CCDC66: variants seen among roughly 807,000 people sequenced by gnomAD.
CCDC66 encodes the protein coiled-coil domain-containing protein 66.
CCDC66 carries 133 observed loss-of-function variants against 128.3 expected under a neutral mutation model. The observed-to-expected ratio is 1.04, with a 90% CI of 0.90 to 1.20. CCDC66 has a LOEUF of 1.20. Among genes scored for constraint, CCDC66 ranks in the 50% most tolerant of loss-of-function variants. CCDC66 has a pLI of 0.00. For missense variants in CCDC66, 1,126 were observed against 1,075.5 expected (o/e 1.05, Z -0.66); for synonymous variants, 387 against 357.0 (o/e 1.08, Z -0.95).
chr3:56,558,878 A>T lies in CCDC66; in HGVS notation c.44A>T (p.Asp15Val), dbSNP rs748777335. 1.0e-5 allele frequency: 16 copies of T among 1,549,736 alleles called. No individual in the cohort carries two copies. Among genetic ancestry groups the T allele is most frequent in the South Asian group, 8.3e-5 (7 of 83,914 alleles). The change falls in exon 2 of 18, where the codon GAT (aspartate) becomes GTT (valine). Residue 15 changes from aspartate (D) to valine (V), a missense_variant. By Grantham distance (152) the Asp-to-Val change is radical. Coordinates refer to ENST00000394672, the MANE Select transcript of CCDC66 (RefSeq NM_001141947.3). ...TTAAAGCTTGAAACTGAATTACTGG[A>T]TGGAAAAACCAAGCTAATATTGTCT... ...DGLKLETELL[D>V]GKTKLILSPY...
intron 10 of CCDC66, 49 bp downstream of exon 10, chr3:56,594,077 G>C: frequency 6.7e-7 from 1 of 1,488,212 alleles, no homozygotes. Flanking sequence ...TAACAGTCAT[G>C]GTGAACATAT....
intron 10 of CCDC66, among the ~76,000 whole-genome samples, chr3:56,598,150 T>TTTTGTTTG (rs149176783): frequency 9.2e-6 from 1 of 109,114 alleles, no homozygotes; most frequent in African/African-American, 2.8e-5. Context: ...TTTTGTTTTG[T>TTTTGTTTG]TTTGTTTGTT....
At chr3:56,584,541 G>A (rs546885518) in intron 7 of CCDC66, among the ~76,000 whole-genome samples, 54 of 149,826 alleles carry the variant, frequency 3.6e-4, no homozygotes, top group Admixed American at 8.1e-4. Flanking sequence ...ATGGGCAGCC[G>A]GGCAGAGACG....
In CCDC66 at chr3:56,594,022, G is replaced by A. The variant is rs149044334; in HGVS notation, c.1398G>A (p.Glu466=). 6.5e-4 allele frequency: 1,054 copies of A among 1,613,250 alleles called. 7 individuals carry two copies. The African/African-American group carries it at 0.011, about 17-fold the overall frequency. ...ACAGACGACGACAAAAACAATTAGA[G>A]CATCAGGTATTGCATTGTTAAACAT... ...ERDRRRQKQL[E]HQKAITAQVE... Residue 466 remains glutamate, a synonymous_variant, in exon 10 of 18, where the codon GAG becomes GAA. Coordinates refer to ENST00000394672, the MANE Select transcript of CCDC66 (RefSeq NM_001141947.3).
In CCDC66 at chr3:56,599,504, C is replaced by A. The variant is rs139357412; in HGVS notation, c.1404+5476C>A. ...CATTAGATTGCTTTTTGAAATGTTTCCACTTTTTTGATATAGGCACTTATT... is the reference window on the plus strand; with the variant it reads ...CATTAGATTGCTTTTTGAAATGTTTACACTTTTTTGATATAGGCACTTATT... On this transcript the variant is annotated intron_variant, in intron 10 of 17. Coordinates refer to ENST00000394672, the MANE Select transcript of CCDC66 (RefSeq NM_001141947.3). Among the ~76,000 whole-genome samples, 16 of 152,000 alleles carry A rather than the reference C, an allele frequency of 1.1e-4. No individual in the cohort carries two copies. In the East Asian group the frequency reaches 2.7e-3, roughly 26 times the overall value.
chr3:56,608,180 A>T (rs545570142), intron 10 of CCDC66, among the ~76,000 whole-genome samples: 5 of 152,218 alleles, frequency 3.3e-5, no homozygotes, highest in Non-Finnish European at 7.4e-5. Context: ...TTCTTTCTCC[A>T]TCTTGTGGAA....
At position 56,614,084 on chromosome 3, in the gene CCDC66, A is replaced by G. The variant is rs75105967; in HGVS notation, c.1566+334A>G. On this transcript the variant is annotated intron_variant, in intron 11 of 17. Coordinates refer to ENST00000394672, the MANE Select transcript of CCDC66 (RefSeq NM_001141947.3). Reference sequence around the variant, plus strand: ...TTGTAACATTTTAGAATAAAAATGGATATGTTTTTAAAGGAAAAATAACCA... The same window carrying G: ...TTGTAACATTTTAGAATAAAAATGGGTATGTTTTTAAAGGAAAAATAACCA... Among the ~76,000 whole-genome samples the G allele has an allele frequency of 4.8e-3, 728 of 152,298 alleles. 4 individuals are homozygous for G. Among genetic ancestry groups the G allele is most frequent in the African/African-American group, 0.016 (681 of 41,558 alleles).
chr3:56,616,428 C>T (rs772906737), intron 13 of CCDC66: 11 of 209,836 alleles, frequency 5.2e-5, no homozygotes, highest in Middle Eastern at 1.8e-3. Flanking sequence ...GACCACATAA[C>T]GGTCTTCTCT....
intron 7 of CCDC66, chr3:56,572,885 G>A (rs1237054434): frequency 2.0e-5 from 3 of 152,298 alleles, no homozygotes; most frequent in Non-Finnish European, 4.4e-5. Context: ...GACTGAAAAG[G>A]CAATAAGGTT....
intron 10 of CCDC66, among the ~76,000 whole-genome samples, chr3:56,604,472 G>A (rs1482031919): frequency 6.6e-6 from 1 of 151,914 alleles, no homozygotes; most frequent in African/African-American, 2.4e-5. Context: ...GGCAGGCCTG[G>A]TGGTGACAAA....
At chr3:56,579,891 T>C (rs188892636) in intron 7 of CCDC66, among the ~76,000 whole-genome samples, 12 of 152,004 alleles carry the variant, frequency 7.9e-5, no homozygotes, top group African/African-American at 2.9e-4. Context: ...TTCTGTTGAT[T>C]TGGGGTGGAG....
intron 7 of CCDC66, among the ~76,000 whole-genome samples, chr3:56,581,873 TGAG>T (rs1343582445): frequency 6.6e-6 from 1 of 151,780 alleles, no homozygotes; most frequent in Non-Finnish European, 1.5e-5. Context: ...GGGACCCACA[TGAG>T]GAGGCAGTCT....
chr3:56,597,776 G>GTTTTTTTTTTTTTGTTT (rs753875788), intron 10 of CCDC66, among the ~76,000 whole-genome samples: 2 of 61,858 alleles, frequency 3.2e-5, no homozygotes, highest in Non-Finnish European at 5.2e-5. Flanking sequence ...TTTGTTTTGG[G>GTTTTTTTTTTTTTGTTT]GTTTTTTTTT....
Position 56,617,263 on chromosome 3 carries a change from TA to T in CCDC66, c.1998del (p.Gly667GlufsTer4). 6.2e-7 allele frequency: 1 copy of T among 1,613,778 alleles called. No individual in the cohort carries two copies. Among genetic ancestry groups the T allele is most frequent in the Middle Eastern group, 1.7e-4 (1 of 6,060 alleles). On this transcript the variant is annotated frameshift_variant, in exon 14 of 18. Coordinates refer to ENST00000394672, the MANE Select transcript of CCDC66 (RefSeq NM_001141947.3). LOFTEE classifies it high-confidence loss of function. ...AAAACAAGCAAGAACTAACTCAGGA[TA>T]AAGGAGCCAGCTTAGAAAAAGAAAA... Reference protein sequence around the residue: ...KKNKQELTQDKGASLEKENNR... With the variant: ...KKNKQELTQDXGASLEKENNR...
In CCDC66 at chr3:56,581,576, C is replaced by T. The variant is rs569567012; in HGVS notation, c.936+10274C>T. On this transcript the variant is annotated intron_variant, in intron 7 of 17. Coordinates refer to ENST00000394672, the MANE Select transcript of CCDC66 (RefSeq NM_001141947.3). ...TACCCTTGGTCTTTGATGATGGTGACGTACAGATGGGGTTTTGGTGTGGAT... is the reference window on the plus strand; with the variant it reads ...TACCCTTGGTCTTTGATGATGGTGATGTACAGATGGGGTTTTGGTGTGGAT... Among the ~76,000 whole-genome samples the T allele has an allele frequency of 1.4e-4, 21 of 151,892 alleles. No homozygotes were observed. The South Asian group carries it at 1.7e-3, about 12-fold the overall frequency.
At chr3:56,615,503 T>C in intron 12 of CCDC66, 1 of 439,960 alleles carries the variant, frequency 2.3e-6, no homozygotes, top group Non-Finnish European at 4.0e-6. Context: ...CCTCCCAAAG[T>C]GTTGGGATTA....
At chr3:56,593,223 C>G in intron 8 of CCDC66, 122 bp downstream of exon 8, 1 of 868,438 alleles carries the variant, frequency 1.2e-6, no homozygotes, top group Non-Finnish European at 1.7e-6. Context: ...TCCACATTTG[C>G]CCATGTGAAC....
At chr3:56,599,979 G>C (rs1483144743) in intron 10 of CCDC66, among the ~76,000 whole-genome samples, 3 of 151,988 alleles carry the variant, frequency 2.0e-5, no homozygotes, top group African/African-American at 7.3e-5. Context: ...ATGGTTTCCA[G>C]CTTCATCCAT....
chr3:56,571,794 C>G (rs1193872513), intron 7 of CCDC66, among the ~76,000 whole-genome samples: 1 of 152,132 alleles, frequency 6.6e-6, no homozygotes, highest in Non-Finnish European at 1.5e-5. Flanking sequence ...ACATAATTCC[C>G]TGCAGCCTTG....
Sources: gnomAD v4.1 joint callset for allele counts (sites outside exome capture counted in the v4.1 genomes callset) on GRCh38, gnomAD v4.1.1 for gene constraint, MANE v1.5 for transcripts, NCBI Gene and HGNC (gene_info 2026-07-23, HGNC 2026-07-21) for gene names.